The following GRK7 variants were observed in gnomAD, a reference collection of about 807,000 sequenced individuals.
GRK7 encodes G protein-coupled receptor kinase 7.
GRK7 carries 24 observed loss-of-function variants against 34.1 expected under a neutral mutation model. The observed-to-expected ratio is 0.70, with a 90% CI of 0.51 to 0.99. The LOEUF is 0.99. Ranked by LOEUF, GRK7 falls within the 50% of genes least tolerant of loss-of-function variation. The pLI is 0.00. For synonymous variants in GRK7, 256 were observed against 279.4 expected (o/e 0.92, Z 0.84); for missense variants, 644 against 707.3 (o/e 0.91, Z 1.02).
In GRK7 at chr3:141,765,236, C is replaced by T. The variant is rs889111468; in HGVS notation, c.-717C>T. Among the ~76,000 whole-genome samples, 1 of 152,220 alleles carries T rather than the reference C, an allele frequency of 6.6e-6. No individual in the cohort carries two copies. Among genetic ancestry groups the T allele is most frequent in the Non-Finnish European group, 1.5e-5 (1 of 68,036 alleles). On this transcript the variant is annotated 5_prime_UTR_variant, in exon 1 of 6. Transcript: ENST00000682958. ...TTTCTCAAGCTCACCAGGATTTGAG[C>T]CAGCTGTTCCTTCTCCCTGAAGTGC...
chr3:141,773,683 G>T (rs2084626720), intron 1 of GRK7, among the ~76,000 whole-genome samples: 1 of 152,096 alleles, frequency 6.6e-6, no homozygotes, highest in East Asian at 1.9e-4. Flanking sequence ...CAAAGTGCTG[G>T]GATTACAGGC....
intron 4 of GRK7, among the ~76,000 whole-genome samples, chr3:141,798,178 T>G (rs1314403462): frequency 6.6e-6 from 1 of 152,116 alleles, no homozygotes; most frequent in Non-Finnish European, 1.5e-5. Context: ...GTGTCTACCT[T>G]CCCCAATGTC....
At chr3:141,753,200 C>T in the GRK7 span, among the ~76,000 whole-genome samples, 2 of 152,166 alleles carry the variant, frequency 1.3e-5, no homozygotes, top group African/African-American at 4.8e-5. Context: ...CTATTTTCCT[C>T]CAAAATTGCT....
chr3:141,802,436 T>G (rs1298640792), intron 4 of GRK7, among the ~76,000 whole-genome samples: 1 of 151,772 alleles, frequency 6.6e-6, no homozygotes, highest in African/African-American at 2.4e-5. Flanking sequence ...GCCATTGGTT[T>G]CTGGATTGAG....
chr3:141,798,634 C>T (rs1202582769), intron 4 of GRK7, among the ~76,000 whole-genome samples: 1 of 152,136 alleles, frequency 6.6e-6, no homozygotes, highest in Non-Finnish European at 1.5e-5. Flanking sequence ...AAGAGGTCAG[C>T]GTGGTTGGAC....
At chr3:141,781,711 GGAAGA>G (rs1358399904) in intron 4 of GRK7, among the ~76,000 whole-genome samples, 1 of 152,170 alleles carries the variant, frequency 6.6e-6, no homozygotes, top group African/African-American at 2.4e-5. Flanking sequence ...GAAAATATAT[GGAAGA>G]AAACAAAGGC....
At chr3:141,812,812 A>G (rs947454857) in intron 5 of GRK7, among the ~76,000 whole-genome samples, 1 of 152,120 alleles carries the variant, frequency 6.6e-6, no homozygotes, top group African/African-American at 2.4e-5. Flanking sequence ...GGGCGTCTCC[A>G]TTTACTCATG....
At chr3:141,803,047 T>C (rs1710987236) in intron 4 of GRK7, among the ~76,000 whole-genome samples, 1 of 152,158 alleles carries the variant, frequency 6.6e-6, no homozygotes, top group Non-Finnish European at 1.5e-5. Flanking sequence ...ACGAGCACCT[T>C]TGAAATACCC....
the GRK7 span, among the ~76,000 whole-genome samples, chr3:141,757,136 T>C: frequency 9.4e-5 from 12 of 127,860 alleles, no homozygotes; most frequent in East Asian, 1.7e-3. Flanking sequence ...CTTCTTTTTT[T>C]TTTTTTTTTT....
the GRK7 span, among the ~76,000 whole-genome samples, chr3:141,750,395 C>T: frequency 7.8e-4 from 119 of 152,338 alleles, no homozygotes; most frequent in African/African-American, 2.7e-3. Context: ...ATAGTCAGCG[C>T]AGCTTGAAAT....
intron 4 of GRK7, among the ~76,000 whole-genome samples, chr3:141,806,726 G>T (rs1280320686): frequency 2.0e-5 from 3 of 151,978 alleles, no homozygotes; most frequent in Non-Finnish European, 4.4e-5. Context: ...TGGTTGCCTG[G>T]CGTTGAGGGG....
intron 4 of GRK7, among the ~76,000 whole-genome samples, chr3:141,798,491 G>A (rs1277486358): frequency 1.3e-5 from 2 of 152,144 alleles, no homozygotes; most frequent in Non-Finnish European, 2.9e-5. Flanking sequence ...CCACTAAGAG[G>A]TGCTGATACT....
intron 1 of GRK7, among the ~76,000 whole-genome samples, chr3:141,769,279 C>A (rs2084605219): frequency 6.6e-6 from 1 of 152,162 alleles, no homozygotes; most frequent in Non-Finnish European, 1.5e-5. Flanking sequence ...TTCTACCTCA[C>A]CCTCCATAAT....
At chr3:141,780,986 A>G (rs1249972100) in intron 4 of GRK7, among the ~76,000 whole-genome samples, 175 bp downstream of exon 4, 1 of 152,076 alleles carries the variant, frequency 6.6e-6, no homozygotes, top group Non-Finnish European at 1.5e-5. Context: ...GATTAGATTC[A>G]TTGGCTATTT....
intron 4 of GRK7, among the ~76,000 whole-genome samples, chr3:141,802,788 T>A (rs1300278027): frequency 6.6e-6 from 1 of 152,138 alleles, no homozygotes; most frequent in Non-Finnish European, 1.5e-5. Flanking sequence ...CCCTGAGCAA[T>A]GGAAACGGGA....
intron 4 of GRK7, among the ~76,000 whole-genome samples, chr3:141,796,476 G>A (rs1425877895): frequency 6.6e-6 from 1 of 152,190 alleles, no homozygotes; most frequent in Non-Finnish European, 1.5e-5. Context: ...AATTGTTTCT[G>A]CCTCACCTGA....
rs555235396 is a variant in GRK7 at position 141,792,604 on chromosome 3, G to A, written c.1050+11793G>A. On this transcript the variant is annotated intron_variant, in intron 4 of 5. Transcript: ENST00000682958. ...GGAATTCACTCAGCAAAGAGGTTCC[G>A]GTGGTGTCTCAGATTGGGCTCCCTG... Among the ~76,000 whole-genome samples the A allele has an allele frequency of 1.6e-4, 24 of 152,210 alleles. 1 individual carries two copies. Among genetic ancestry groups the A allele is most frequent in the South Asian group, 1.5e-3 (7 of 4,820 alleles).
chr3:141,780,716 C>A lies in GRK7; in HGVS notation c.955C>A (p.Pro319Thr), dbSNP rs374902402. The change falls in exon 4 of 6, where the codon CCT becomes ACT. Residue 319 changes from proline (P) to threonine (T), a missense_variant. Transcript: ENST00000682958. ...CGGCATCGTCTATCGGGACATGAAG[C>A]CTGAGAATGTGCTTCTGGATGACCT... Reference protein sequence around the residue: ...ELGIVYRDMKPENVLLDDLGN... With the variant: ...ELGIVYRDMKTENVLLDDLGN... 1.9e-5 allele frequency: 31 copies of A among 1,614,026 alleles called. No individual in the cohort carries two copies. The African/African-American group carries it at 2.0e-4, about 10-fold the overall frequency.
chr3:141,768,005 A>G (rs1041346029), intron 1 of GRK7, among the ~76,000 whole-genome samples: 1 of 152,244 alleles, frequency 6.6e-6, no homozygotes, highest in Non-Finnish European at 1.5e-5. Context: ...TTAATAGGAA[A>G]GTGAGTGGTT....
Sources: allele counts gnomAD v4.1 joint callset (sites outside exome capture counted in the v4.1 genomes callset), GRCh38; gene constraint gnomAD v4.1.1; transcripts MANE v1.5; gene names NCBI Gene and HGNC (gene_info 2026-07-23, HGNC 2026-07-21).